Variants in EPHX1 observed in about 807,000 individuals in gnomAD.
The protein encoded by EPHX1 is epoxide hydrolase 1.
Under a neutral mutation model 43.2 loss-of-function variants are expected in EPHX1, and 40 were observed. That is an observed-to-expected ratio of 0.93 (90% confidence interval 0.72 to 1.21). The LOEUF (loss-of-function observed/expected upper bound fraction) is 1.21. EPHX1 is among the 50% of genes most tolerant of loss of function. The probability of loss-of-function intolerance (pLI) is 0.00; values close to 1 mark genes in which losing one functional copy is unlikely to be tolerated. For missense variants in EPHX1, 550 were observed against 570.4 expected (o/e 0.96, Z 0.36); for synonymous variants, 221 against 226.7 (o/e 0.98, Z 0.22).
intron 1 of EPHX1, among the ~76,000 whole-genome samples, chr1:225,814,136 G>A (rs2671274): frequency 0.22 from 33,751 of 152,090 alleles, 4,040 homozygotes; most frequent in South Asian, 0.4. Context: ...GCAAGATGGC[G>A]CACACCTGTA....
intron 3 of EPHX1, 85 bp from the exon 4 acceptor site, chr1:225,838,569 A>C: frequency 8.2e-7 from 1 of 1,221,184 alleles, no homozygotes; most frequent in Non-Finnish European, 1.2e-6. Context: ...GGCAGGACTC[A>C]ATATCTAGGC....
chr1:225,831,994 A>T, intron 3 of EPHX1, 35 bp downstream of exon 3: 2 of 1,604,268 alleles, frequency 1.2e-6, no homozygotes, highest in East Asian at 2.2e-5. Context: ...AGAGGGATGT[A>T]TGTCATGAGA....
intron 3 of EPHX1, among the ~76,000 whole-genome samples, chr1:225,834,152 A>G (rs1362853201): frequency 6.8e-6 from 1 of 147,986 alleles, no homozygotes; most frequent in Admixed American, 6.9e-5. Context: ...CACACCTGTA[A>G]TCCTAGCACT....
intron 7 of EPHX1, among the ~76,000 whole-genome samples, chr1:225,843,684 C>G (rs1213662630): frequency 6.6e-6 from 1 of 152,140 alleles, no homozygotes; most frequent in Non-Finnish European, 1.5e-5. Context: ...TAGACAGGAT[C>G]AGATCTGTGT....
chr1:225,844,634 C>T lies in EPHX1; in HGVS notation c.1166+11C>T. ...CCAGAAGCATGAGCGGTGAGCCTGG[C>T]TGAGCCGAGAACAGGGGCCTCTGAG... On this transcript the variant is annotated intron_variant, in intron 8 of 8. Transcript: ENST00000272167. The T allele has an allele frequency of 6.2e-7, 1 of 1,613,736 alleles. No individual in the cohort carries two copies. Among genetic ancestry groups the T allele is most frequent in the Non-Finnish European group, 8.5e-7 (1 of 1,179,964 alleles).
In EPHX1 at chr1:225,810,161, G is replaced by C. The variant is rs1666396210; in HGVS notation, c.-14G>C. 1 of 151,826 alleles carries C rather than the reference G, an allele frequency of 6.6e-6. No individual in the cohort carries two copies. The highest frequency in any genetic ancestry group is 2.1e-4 in the South Asian group (1 of 4,838). 9.4% of individuals were successfully genotyped at this position (151,826 alleles called of 1,614,324 possible). ...CGCCTGCCGCCGCCGGAGCCTGCGA[G>C]CCGAGACCGTAAGCGCCCGGGGCCG... On this transcript the variant is annotated 5_prime_UTR_variant, in exon 1 of 9. Transcript: ENST00000272167.
chr1:225,838,567 T>G (rs1403770291), intron 3 of EPHX1, 87 bp from the exon 4 acceptor site: 2 of 1,196,594 alleles, frequency 1.7e-6, no homozygotes, highest in Non-Finnish European at 1.2e-6. Flanking sequence ...GTGGCAGGAC[T>G]CAATATCTAG....
At chr1:225,818,859 C>CAGG (rs1431216600) in intron 1 of EPHX1, among the ~76,000 whole-genome samples, 1 of 145,110 alleles carries the variant, frequency 6.9e-6, no homozygotes, top group Non-Finnish European at 1.5e-5. Flanking sequence ...GAGGCTAAAG[C>CAGG]AGGAGGATCA....
intron 1 of EPHX1, among the ~76,000 whole-genome samples, chr1:225,828,089 T>TAATCCC (rs1227291697): frequency 6.6e-6 from 1 of 152,158 alleles, no homozygotes; most frequent in Non-Finnish European, 1.5e-5. Context: ...CTCACACCTG[T>TAATCCC]AATCCCAGCA....
At chr1:225,829,970 C>A (rs1018529585) in intron 2 of EPHX1, among the ~76,000 whole-genome samples, 1 of 151,798 alleles carries the variant, frequency 6.6e-6, no homozygotes. Context: ...CCCAGCTACT[C>A]GGGAGGCTGA....
At chr1:225,825,002 A>G (rs897976013) in intron 1 of EPHX1, among the ~76,000 whole-genome samples, 3 of 152,214 alleles carry the variant, frequency 2.0e-5, no homozygotes, top group African/African-American at 7.2e-5. Flanking sequence ...CCTTGAGCCA[A>G]GCAAGTACTA....
chr1:225,840,712 T>C (rs777706598), intron 6 of EPHX1, among the ~76,000 whole-genome samples: 23 of 152,130 alleles, frequency 1.5e-4, no homozygotes, highest in Non-Finnish European at 5.9e-5. Flanking sequence ...AACTGTAAAA[T>C]AGCTCAATGA....
rs762318357 is a variant in EPHX1 at position 225,838,684 on chromosome 1, C to G, written c.395C>G (p.Pro132Arg). 14 of 1,613,954 alleles carry G rather than the reference C, an allele frequency of 8.7e-6. No homozygotes were observed. The highest frequency in any genetic ancestry group is 1.1e-5 in the Non-Finnish European group (13 of 1,180,006). ...GACATCCACTTCATCCACGTGAAGC[C>G]CCCCCAGCTGCCCGCAGGCCATACC... ...GLDIHFIHVKPPQLPAGHTPK... is the reference protein window; with the variant it reads ...GLDIHFIHVKRPQLPAGHTPK... The change falls in exon 4 of 9, where the codon CCC (proline) becomes CGC (arginine). Residue 132 changes from proline to arginine, a missense_variant. Pro to Arg is a moderately radical substitution (Grantham distance 103, BLOSUM62 -2). Transcript: ENST00000272167.
intron 1 of EPHX1, among the ~76,000 whole-genome samples, chr1:225,810,847 C>G (rs762337244): frequency 1.3e-5 from 2 of 152,024 alleles, no homozygotes; most frequent in Non-Finnish European, 2.9e-5. Flanking sequence ...ACAATGTCAT[C>G]AGTTAAGGCA....
intron 1 of EPHX1, among the ~76,000 whole-genome samples, chr1:225,815,775 G>A (rs1883013): frequency 0.18 from 27,290 of 152,144 alleles, 2,775 homozygotes; most frequent in East Asian, 0.32. Flanking sequence ...TAGATGAGAC[G>A]GCAGGCTCAG....
At chr1:225,842,495 T>C (rs1372008218) in intron 7 of EPHX1, 21 bp downstream of exon 7, 1 of 1,555,746 alleles carries the variant, frequency 6.4e-7, no homozygotes, top group Admixed American at 1.7e-5. Flanking sequence ...GGTTTGCCCC[T>C]GCAGTCATGA....
chr1:225,845,068 C>A, intron 8 of EPHX1, 78 bp from the exon 9 acceptor site: 1 of 1,485,018 alleles, frequency 6.7e-7, no homozygotes, highest in Non-Finnish European at 9.4e-7. Flanking sequence ...CACCCCCAGG[C>A]GCTTTAACCC....
In EPHX1 at chr1:225,845,397, GCTTTTCTTGGGGAAGATACCC is replaced by G. The variant is rs1474549235; in HGVS notation, c.*58_*78del. 1 of 1,528,022 alleles carries G rather than the reference GCTTTTCTTGGGGAAGATACCC, an allele frequency of 6.5e-7. No individual in the cohort carries two copies. Among genetic ancestry groups the G allele is most frequent in the African/African-American group, 1.4e-5 (1 of 72,566 alleles). The allele number at this position is 1,528,022 out of a possible 1,614,324, so 94.7% of individuals were successfully genotyped here. ...ACCTCCCCCCACAAGTGCCCTCCAG[GCTTTTCTTGGGGAAGATACCC>G]CTTTTCTGAGGAATGAGTTTGCCTC... On this transcript the variant is annotated 3_prime_UTR_variant, in exon 9 of 9. Coordinates refer to ENST00000272167, the MANE Select transcript of EPHX1 (RefSeq NM_001136018.4).
At chr1:225,818,527 G>A (rs1481371153) in intron 1 of EPHX1, among the ~76,000 whole-genome samples, 2 of 152,152 alleles carry the variant, frequency 1.3e-5, no homozygotes, top group African/African-American at 4.8e-5. Context: ...ATAGCTTTTC[G>A]ACAGAGGGAT....
Sources: allele counts gnomAD v4.1 joint callset (sites outside exome capture counted in the v4.1 genomes callset), GRCh38; gene constraint gnomAD v4.1.1; transcripts MANE v1.5; gene names NCBI Gene and HGNC (gene_info 2026-07-23, HGNC 2026-07-21).